CYP46A1: variants seen among roughly 807,000 people sequenced by gnomAD.
CYP46A1 encodes the protein cytochrome P450 family 46 subfamily A member 1.
A neutral mutation model predicts 63.3 loss-of-function variants in CYP46A1; 20 were observed. The observed-to-expected ratio is 0.32, with a 90% CI of 0.22 to 0.46. The LOEUF (loss-of-function observed/expected upper bound fraction) is 0.46. Ranked by LOEUF, CYP46A1 falls within the 20% of genes least tolerant of loss-of-function variation. CYP46A1 has a pLI of 1.00. For synonymous variants in CYP46A1, 268 were observed against 273.6 expected, an observed-to-expected ratio of 0.98 and a Z score of 0.20; for missense variants, 445 against 670.8, an observed-to-expected ratio of 0.66 and a Z score of 3.72.
At chr14:99,717,734 T>C in intron 9 of CYP46A1, 1 of 304,260 alleles carries the variant, frequency 3.3e-6, no homozygotes. Flanking sequence ...CATGGGGGGC[T>C]TTTGTGTGCA....
intron 4 of CYP46A1, 56 bp downstream of exon 4, chr14:99,699,595 T>C (rs2056613420): frequency 1.3e-6 from 2 of 1,567,856 alleles, no homozygotes; most frequent in African/African-American, 2.7e-5. Context: ...CTGCTGTGAG[T>C]GAGGGCCAGT....
At position 99,700,056 on chromosome 14, in the gene CYP46A1, G is replaced by A. The variant is rs2056617615; in HGVS notation, c.398G>A (p.Arg133His). Residue 133 changes from arginine (R) to histidine (H), a missense_variant, in exon 5 of 15, where the codon CGC becomes CAC. Physicochemically the swap from Arg to His is conservative, Grantham distance 29 (BLOSUM62 0). Around this residue, in one of 4 missense-constraint regions of CYP46A1, gnomAD observed 252 missense variants for 383.3 expected, o/e 0.66. Coordinates refer to ENST00000261835, the MANE Select transcript of CYP46A1 (RefSeq NM_006668.2). Reference protein sequence around the residue: ...QGLVSECNYERWHKQRRVIDL... With the variant: ...QGLVSECNYEHWHKQRRVIDL... ...TTGGTGTCCGAATGCAACTATGAGC[G>A]CTGGCACAAGCAGCGGAGAGTCATA... is the stretch of plus-strand genomic sequence containing the variant. The A allele has an allele frequency of 4.4e-6, 7 of 1,607,056 alleles. No homozygotes were observed. The highest frequency in any genetic ancestry group is 5.1e-6 in the Non-Finnish European group (6 of 1,177,110).
intron 9 of CYP46A1, 125 bp downstream of exon 9, chr14:99,716,324 G>T (rs998434164): frequency 1.0e-6 from 1 of 984,294 alleles, no homozygotes; most frequent in East Asian, 2.6e-5. Flanking sequence ...GCAGGGCTAG[G>T]GGGCTGGGCT....
At chr14:99,700,440 G>A (rs768920753) in intron 5 of CYP46A1, among the ~76,000 whole-genome samples, 8 of 152,174 alleles carry the variant, frequency 5.3e-5, no homozygotes, top group Non-Finnish European at 1.2e-4. Flanking sequence ...TTATTCATTT[G>A]AGTTTTTATG....
At chr14:99,719,525 G>T (rs763606590) in intron 10 of CYP46A1, among the ~76,000 whole-genome samples, 1 of 151,540 alleles carries the variant, frequency 6.6e-6, no homozygotes, top group Non-Finnish European at 1.5e-5. Flanking sequence ...CCTGGCCTCC[G>T]TCTCCAGACC....
chr14:99,698,869 C>T (rs576760802), intron 3 of CYP46A1, among the ~76,000 whole-genome samples: 45 of 152,282 alleles, frequency 3.0e-4, no homozygotes, highest in Middle Eastern at 3.4e-3. Context: ...AGCTTTCCTC[C>T]GGGGAGTTTC....
At chr14:99,688,279 G>A (rs1177216814) in intron 1 of CYP46A1, among the ~76,000 whole-genome samples, 1 of 152,168 alleles carries the variant, frequency 6.6e-6, no homozygotes, top group African/African-American at 2.4e-5. Context: ...CACCTGGCGT[G>A]GGCCTCCACT....
chr14:99,692,098 G>A (rs563728585), intron 3 of CYP46A1, among the ~76,000 whole-genome samples: 1 of 152,254 alleles, frequency 6.6e-6, no homozygotes, highest in East Asian at 1.9e-4. Flanking sequence ...TCCCCATTTG[G>A]GTTGGAAGTT....
chr14:99,700,399 A>G (rs1314283927), intron 5 of CYP46A1, among the ~76,000 whole-genome samples: 1 of 151,970 alleles, frequency 6.6e-6, no homozygotes, highest in African/African-American at 2.4e-5. Flanking sequence ...CCCACATCAG[A>G]CCTCATCACT....
chr14:99,717,795 TC>T (rs372397861), intron 9 of CYP46A1: 14 of 436,782 alleles, frequency 3.2e-5, no homozygotes, highest in South Asian at 4.8e-5. Context: ...TTGAATTGTG[TC>T]CCCCCCACTC....
At chr14:99,696,687 G>A (rs191165756) in intron 3 of CYP46A1, among the ~76,000 whole-genome samples, 32 of 152,252 alleles carry the variant, frequency 2.1e-4, no homozygotes, top group African/African-American at 6.3e-4. Context: ...AGTAATACAT[G>A]TTTTATAGTT....
At chr14:99,702,069 CAA>C (rs71113217) in intron 5 of CYP46A1, among the ~76,000 whole-genome samples, 5 of 70,758 alleles carry the variant, frequency 7.1e-5, no homozygotes, top group African/African-American at 1.1e-4. Flanking sequence ...GACTCCATCT[CAA>C]AAAAAAAAAA....
In CYP46A1 at chr14:99,691,805, C is replaced by T. The variant is rs1372608265; in HGVS notation, c.226C>T (p.Arg76Trp). The T allele has an allele frequency of 2.5e-6, 4 of 1,614,028 alleles. No individual in the cohort carries two copies. Among genetic ancestry groups the T allele is most frequent in the African/African-American group, 1.3e-5 (1 of 74,908 alleles). ...GGCTAAGAAGTATGGACCTGTTGTG[C>T]GGGTCAACGTCTTCCACAAAACCTC... Reference protein sequence around the residue: ...DWAKKYGPVVRVNVFHKTSVI... With the variant: ...DWAKKYGPVVWVNVFHKTSVI... Residue 76 changes from arginine (R) to tryptophan (W), a missense_variant, in exon 3 of 15, where the codon CGG becomes TGG. This residue lies in a region of CYP46A1 where 252 missense variants were observed against 383.3 expected (regional missense o/e 0.66). Transcript: ENST00000261835.
chr14:99,684,762 G>T (rs1222580190), intron 1 of CYP46A1: 1 of 629,736 alleles, frequency 1.6e-6, no homozygotes, highest in Non-Finnish European at 3.0e-6. Context: ...CAAACGTGAT[G>T]GCAGCCACAG....
intron 7 of CYP46A1, chr14:99,709,779 A>C (rs2056713096): frequency 6.6e-6 from 1 of 152,230 alleles, no homozygotes; most frequent in Admixed American, 6.5e-5. Flanking sequence ...TCTCCAAGGC[A>C]CATTATAGTC....
In CYP46A1 at chr14:99,684,440, T is replaced by C; in HGVS notation, c.23T>C (p.Leu8Pro). 1 of 1,467,468 alleles carries C rather than the reference T, an allele frequency of 6.8e-7. No individual in the cohort carries two copies. The highest frequency in any genetic ancestry group is 2.4e-5 in the Admixed American group (1 of 42,244). The allele number at this position is 1,467,468 out of a possible 1,614,324, so 90.9% of individuals were successfully genotyped here. A position where few individuals can be genotyped will look rare whatever the true frequency, so the allele number is the denominator to read the frequency against. The change falls in exon 1 of 15, where the codon CTC becomes CCC. Residue 8 changes from leucine to proline, a missense_variant. Leu to Pro is a moderately conservative substitution (Grantham distance 98, BLOSUM62 -3). This residue lies in a region of CYP46A1 where 252 missense variants were observed against 383.3 expected (regional missense o/e 0.66). Coordinates refer to ENST00000261835, the MANE Select transcript of CYP46A1 (RefSeq NM_006668.2). MSPGLLL[L>P]GSAVLLAFGL... ...GCCATGAGCCCCGGGCTGCTGCTGCTCGGCAGCGCCGTCCTGCTCGCCTTC... is the reference window on the plus strand; with the variant it reads ...GCCATGAGCCCCGGGCTGCTGCTGCCCGGCAGCGCCGTCCTGCTCGCCTTC...
chr14:99,698,394 G>C (rs1256827626), intron 3 of CYP46A1, among the ~76,000 whole-genome samples: 1 of 151,982 alleles, frequency 6.6e-6, no homozygotes, highest in Non-Finnish European at 1.5e-5. Flanking sequence ...TGTAACCTTG[G>C]GTCAGTTTTC....
intron 9 of CYP46A1, 168 bp from the exon 10 acceptor site, chr14:99,717,886 G>A (rs995172761): frequency 2.6e-5 from 14 of 538,568 alleles, no homozygotes; most frequent in East Asian, 9.2e-5. Flanking sequence ...GCACCTCCCC[G>A]GGCCAAGTGA....
chr14:99,721,382 G>C (rs1021672939), intron 11 of CYP46A1, 59 bp downstream of exon 11: 10 of 1,187,670 alleles, frequency 8.4e-6, no homozygotes, highest in Admixed American at 3.4e-5. Flanking sequence ...CATCATGCCT[G>C]CTTCCTCCCT....
Sources: gnomAD v4.1 joint callset for allele counts (sites outside exome capture counted in the v4.1 genomes callset) on GRCh38, gnomAD v4.1.1 for gene constraint, gnomAD v4.1.1 regional missense constraint, MANE v1.5 for transcripts, NCBI Gene and HGNC (gene_info 2026-07-23, HGNC 2026-07-21) for gene names.